The following CALCRL variants were observed in gnomAD, a reference collection of about 807,000 sequenced individuals.
CALCRL encodes calcitonin receptor like receptor.
In CALCRL, 27 loss-of-function variants were observed where a neutral mutation model predicts 60.4. The ratio of observed to expected loss-of-function variants is 0.45; its 90% CI spans 0.33 to 0.62. The LOEUF (loss-of-function observed/expected upper bound fraction) is 0.62. Ranked by LOEUF, CALCRL falls within the 20% of genes least tolerant of loss-of-function variation. The pLI is 0.03. For synonymous variants in CALCRL, 190 were observed against 182.6 expected, an observed-to-expected ratio of 1.04 and a Z score of -0.33; for missense variants, 424 against 540.7, an observed-to-expected ratio of 0.78 and a Z score of 2.14.
chr2:187,367,492 T>C (rs2105746453), intron 8 of CALCRL, among the ~76,000 whole-genome samples: 1 of 152,242 alleles, frequency 6.6e-6, no homozygotes, highest in Middle Eastern at 3.4e-3. Context: ...CTTCTAAACA[T>C]ATTCATTAAC....
intron 7 of CALCRL, among the ~76,000 whole-genome samples, chr2:187,379,632 T>A (rs947688817): frequency 6.6e-6 from 1 of 152,156 alleles, no homozygotes; most frequent in Non-Finnish European, 1.5e-5. Context: ...CTCTTCCAAT[T>A]CTTACCTGAA....
intron 8 of CALCRL, among the ~76,000 whole-genome samples, chr2:187,369,277 G>A (rs1687423702): frequency 6.6e-6 from 1 of 152,104 alleles, no homozygotes; most frequent in South Asian, 2.1e-4. Context: ...AGGAAACCAA[G>A]AGAAGAAAGT....
chr2:187,416,593 A>T (rs1689620501), intron 1 of CALCRL, among the ~76,000 whole-genome samples: 2 of 152,286 alleles, frequency 1.3e-5, no homozygotes, highest in South Asian at 4.1e-4. Context: ...ACTCTTGTGA[A>T]TGCGGGATGG....
chr2:187,430,541 AC>A (rs1241126357), intron 1 of CALCRL, among the ~76,000 whole-genome samples: 1 of 152,168 alleles, frequency 6.6e-6, no homozygotes, highest in Non-Finnish European at 1.5e-5. Context: ...TTGCCATGGT[AC>A]TATAATGCCA....
In CALCRL at chr2:187,342,207, G is replaced by A. The variant is rs1163115053; in HGVS notation, c.*3977C>T. On this transcript the variant is annotated 3_prime_UTR_variant, in exon 15 of 15. Coordinates refer to ENST00000392370, the MANE Select transcript of CALCRL (RefSeq NM_005795.6). ...ATAGGGAAATCTGTTGAGACAGAAT[G>A]TAAATTAGTGATGTTTATAGCTGAA... Among the ~76,000 whole-genome samples the A allele has an allele frequency of 6.6e-6, 1 of 151,754 alleles. No homozygotes were observed. Among genetic ancestry groups the A allele is most frequent in the East Asian group, 1.9e-4 (1 of 5,184 alleles).
chr2:187,405,429 C>T (rs901023967), intron 1 of CALCRL, among the ~76,000 whole-genome samples: 3 of 152,034 alleles, frequency 2.0e-5, no homozygotes, highest in Non-Finnish European at 4.4e-5. Context: ...GTATGCATAA[C>T]ACTCTGCTTT....
chr2:187,438,149 T>C (rs943713655), intron 1 of CALCRL, among the ~76,000 whole-genome samples: 1 of 152,170 alleles, frequency 6.6e-6, no homozygotes, highest in Non-Finnish European at 1.5e-5. Flanking sequence ...AAATGGGGAA[T>C]CTAAATGGGA....
chr2:187,426,490 G>A (rs1345092671), intron 1 of CALCRL, among the ~76,000 whole-genome samples: 1 of 151,794 alleles, frequency 6.6e-6, no homozygotes, highest in East Asian at 1.9e-4. Flanking sequence ...AATAATAGTG[G>A]CTAACACGTC....
chr2:187,427,971 GT>G (rs1449617169), intron 1 of CALCRL, among the ~76,000 whole-genome samples: 1 of 152,086 alleles, frequency 6.6e-6, no homozygotes, highest in African/African-American at 2.4e-5. Flanking sequence ...CTTTAATGAA[GT>G]CTACTGTCTG....
intron 8 of CALCRL, 61 bp from the exon 9 acceptor site, chr2:187,363,563 T>C: frequency 6.9e-7 from 1 of 1,451,106 alleles, no homozygotes; most frequent in African/African-American, 1.4e-5. Context: ...TAATCATTAT[T>C]CAAATAAGAT....
rs999342517 is a variant in CALCRL at position 187,354,209 on chromosome 2, C to G, written c.910-1877G>C. Among the ~76,000 whole-genome samples, 4 of 151,910 alleles carry G rather than the reference C, an allele frequency of 2.6e-5. No homozygotes were observed. The South Asian group carries it at 8.3e-4, about 31-fold the overall frequency. On this transcript the variant is annotated intron_variant, in intron 12 of 14. Transcript: ENST00000392370. Reference sequence around the variant, plus strand: ...TTAACTGACATACTCATAAAGTTTACATAGCTAGTAGGCCCATCAGGCTAT... The same window carrying G: ...TTAACTGACATACTCATAAAGTTTAGATAGCTAGTAGGCCCATCAGGCTAT...
intron 14 of CALCRL, among the ~76,000 whole-genome samples, chr2:187,351,569 T>C (rs1686534319): frequency 6.6e-6 from 1 of 151,886 alleles, no homozygotes; most frequent in Non-Finnish European, 1.5e-5. Context: ...CTATTTCTTA[T>C]TTCCTATTAG....
chr2:187,351,820 T>C (rs1159101081), intron 14 of CALCRL, 100 bp downstream of exon 14: 2 of 742,340 alleles, frequency 2.7e-6, no homozygotes, highest in African/African-American at 3.6e-5. Context: ...TTAACATGGT[T>C]GTTCCTGGGG....
chr2:187,409,115 A>T (rs1689253657), intron 1 of CALCRL, among the ~76,000 whole-genome samples: 1 of 152,168 alleles, frequency 6.6e-6, no homozygotes, highest in African/African-American at 2.4e-5. Flanking sequence ...TTACATGTGA[A>T]TGCAGTTAAT....
intron 1 of CALCRL, 38 bp from the exon 2 acceptor site, chr2:187,387,794 T>C (rs779451792): frequency 1.3e-5 from 5 of 393,050 alleles, no homozygotes; most frequent in Non-Finnish European, 2.2e-5. Flanking sequence ...AATATTATGC[T>C]AATGACCAAA....
At chr2:187,377,198 A>T (rs548135780) in intron 8 of CALCRL, among the ~76,000 whole-genome samples, 15 of 152,298 alleles carry the variant, frequency 9.8e-5, no homozygotes, top group African/African-American at 3.6e-4. Context: ...TGATCTAAAT[A>T]TTTGAAACTA....
intron 1 of CALCRL, among the ~76,000 whole-genome samples, chr2:187,410,005 C>T (rs760118262): frequency 6.6e-6 from 1 of 152,162 alleles, no homozygotes; most frequent in African/African-American, 2.4e-5. Flanking sequence ...AGACTCTGGC[C>T]TTTGTCTTAT....
chr2:187,386,706 A>AACC (rs1688219868), intron 3 of CALCRL, among the ~76,000 whole-genome samples: 1 of 23,948 alleles, frequency 4.2e-5, no homozygotes, highest in African/African-American at 1.8e-4. Context: ...AGCCATAACT[A>AACC]AATGATATGG....
At chr2:187,391,259 A>G (rs186668262) in intron 1 of CALCRL, among the ~76,000 whole-genome samples, 1 of 152,322 alleles carries the variant, frequency 6.6e-6, no homozygotes, top group East Asian at 1.9e-4. Flanking sequence ...TTCTAAATAT[A>G]TCTTCACTAA....
Sources: gnomAD v4.1 joint callset for allele counts (sites outside exome capture counted in the v4.1 genomes callset) on GRCh38, gnomAD v4.1.1 for gene constraint, MANE v1.5 for transcripts, NCBI Gene and HGNC (gene_info 2026-07-23, HGNC 2026-07-21) for gene names.